Variants in ARFGEF1 observed in about 807,000 individuals in gnomAD.
ARFGEF1 encodes brefeldin A-inhibited guanine nucleotide-exchange protein 1.
In ARFGEF1, 42 loss-of-function variants were observed where a neutral mutation model predicts 231.0. The observed-to-expected ratio is 0.18, with a 90% confidence interval of 0.14 to 0.24. ARFGEF1 has a LOEUF of 0.24. Ranked by LOEUF, ARFGEF1 falls within the 10% of genes least tolerant of loss-of-function variation. The pLI is 1.00. For missense variants in ARFGEF1, 1,345 were observed against 2,192.0 expected (o/e 0.61, Z 7.72); for synonymous variants, 710 against 732.3 (o/e 0.97, Z 0.49).
At chr8:67,339,788 T>TGTGGG (rs1402614686) in intron 1 of ARFGEF1, among the ~76,000 whole-genome samples, 6 of 464 alleles carry the variant, frequency 0.013, no homozygotes, top group African/African-American at 0.059. Context: ...AGTGTAACAG[T>TGTGGG]GTGGGGCGGG....
At chr8:67,314,879 T>A (rs749395179) in intron 1 of ARFGEF1, among the ~76,000 whole-genome samples, 1 of 151,984 alleles carries the variant, frequency 6.6e-6, no homozygotes, top group Non-Finnish European at 1.5e-5. Flanking sequence ...TATAAAAAAA[T>A]TTAAAAATTA....
At chr8:67,206,152 G>A (rs1198048122) in intron 34 of ARFGEF1, among the ~76,000 whole-genome samples, 4 of 152,018 alleles carry the variant, frequency 2.6e-5, no homozygotes, top group Non-Finnish European at 4.4e-5. Context: ...GCTCATGCCT[G>A]TAATCCCAGC....
downstream of ARFGEF1, chr8:67,173,821 A>G (rs1218507346): frequency 6.6e-6 from 1 of 152,212 alleles, no homozygotes; most frequent in Non-Finnish European, 1.5e-5. Context: ...TCTCATGAGG[A>G]GTTTGGTCTG....
intron 17 of ARFGEF1, among the ~76,000 whole-genome samples, chr8:67,257,360 C>T (rs59870074): frequency 0.13 from 20,014 of 152,078 alleles, 2,646 homozygotes; most frequent in African/African-American, 0.34. Flanking sequence ...GGATTACAGG[C>T]GTTAGGTACC....
intron 10 of ARFGEF1, among the ~76,000 whole-genome samples, chr8:67,268,338 T>A (rs556720578): frequency 6.6e-6 from 1 of 152,186 alleles, no homozygotes; most frequent in South Asian, 2.1e-4. Context: ...ACGTCCATAT[T>A]GCAGGGCACA....
At chr8:67,252,309 A>G (rs1050274929) in intron 18 of ARFGEF1, among the ~76,000 whole-genome samples, 2 of 148,456 alleles carry the variant, frequency 1.3e-5, no homozygotes, top group African/African-American at 5.1e-5. Flanking sequence ...AAAAAAAAAA[A>G]GAGGCAATGG....
chr8:67,265,444 AT>A (rs1804812713), intron 14 of ARFGEF1, among the ~76,000 whole-genome samples: 2 of 152,182 alleles, frequency 1.3e-5, no homozygotes, highest in Admixed American at 1.3e-4. Flanking sequence ...GGAAGGCAGC[AT>A]GGTGACATTC....
intron 1 of ARFGEF1, among the ~76,000 whole-genome samples, chr8:67,314,911 G>A (rs948428844): frequency 6.6e-6 from 1 of 152,108 alleles, no homozygotes; most frequent in East Asian, 1.9e-4. Context: ...ATGGTGGCAT[G>A]TGCCTGTAGT....
chr8:67,222,392 A>G (rs933106887), intron 29 of ARFGEF1, among the ~76,000 whole-genome samples: 8 of 150,816 alleles, frequency 5.3e-5, no homozygotes, highest in African/African-American at 1.5e-4. Context: ...CACCTTCCCA[A>G]GTAGCTGGGA....
At chr8:67,327,168 A>G (rs1587326598) in intron 1 of ARFGEF1, among the ~76,000 whole-genome samples, 2 of 152,158 alleles carry the variant, frequency 1.3e-5, no homozygotes, top group East Asian at 1.9e-4. Flanking sequence ...TTCTACTTCA[A>G]TAAGCCCACT....
rs372171503 is a variant in ARFGEF1 at position 67,264,202 on chromosome 8, C to T, written c.2123+1804G>A. Among the ~76,000 whole-genome samples, 15 of 151,900 alleles carry T rather than the reference C, an allele frequency of 9.9e-5. 1 individual carries two copies. In the South Asian group the frequency reaches 2.9e-3, roughly 29 times the overall value. On this transcript the variant is annotated intron_variant, in intron 14 of 38. Transcript: ENST00000262215. ...GGAAAAGACTGAAGAATGAACAAAA[C>T]CAAAGAAAAAGGTAAGCCAATTGAA...
At chr8:67,228,580 T>C (rs1023423745) in intron 23 of ARFGEF1, among the ~76,000 whole-genome samples, 1 of 152,094 alleles carries the variant, frequency 6.6e-6, no homozygotes, top group Non-Finnish European at 1.5e-5. Context: ...AATATTAATT[T>C]GTAAAACTAA....
At chr8:67,253,867 A>C (rs1840373096) in intron 17 of ARFGEF1, among the ~76,000 whole-genome samples, 1 of 152,230 alleles carries the variant, frequency 6.6e-6, no homozygotes, top group South Asian at 2.1e-4. Flanking sequence ...GCAACCAGAA[A>C]GGAGGGAAGT....
chr8:67,216,493 G>T, intron 33 of ARFGEF1, 97 bp downstream of exon 33: 1 of 1,095,350 alleles, frequency 9.1e-7, no homozygotes, highest in Non-Finnish European at 1.3e-6. Context: ...TTAATAGCAG[G>T]AATGGATTAA....
chr8:67,311,012 C>T (rs1322661512), intron 1 of ARFGEF1, among the ~76,000 whole-genome samples: 2 of 145,970 alleles, frequency 1.4e-5, no homozygotes, highest in Non-Finnish European at 1.5e-5. Flanking sequence ...CCCGGCCAGC[C>T]GCCCCGTCTG....
In ARFGEF1 at chr8:67,296,653, T is replaced by C. The variant is rs200022882; in HGVS notation, c.460-43A>G. 1.9e-3 allele frequency: 2,855 copies of C among 1,480,446 alleles called. 4 individuals are homozygous for C. The highest frequency in any genetic ancestry group is 2.3e-3 in the Non-Finnish European group (2,566 of 1,103,920). 91.7% of individuals were successfully genotyped at this position (1,480,446 alleles called of 1,614,324 possible). A position where few individuals can be genotyped will look rare whatever the true frequency, so the allele number is the denominator to read the frequency against. ...GAAAAAGTTAAAGAGATTTTCTTTT[T>C]CTTTTTTTTTTTGGAGACAGTCTTT... On this transcript the variant is annotated intron_variant, in intron 4 of 38. Transcript: ENST00000262215.
At chr8:67,194,909 C>CAAAAT (rs896266532), downstream of ARFGEF1, among the ~76,000 whole-genome samples, 4 of 151,918 alleles carry the variant, frequency 2.6e-5, no homozygotes, top group African/African-American at 9.7e-5. Flanking sequence ...AGTGTTTTCC[C>CAAAAT]AAAATAACTT....
chr8:67,278,697 T>C (rs12680892), intron 7 of ARFGEF1, among the ~76,000 whole-genome samples: 1 of 151,728 alleles, frequency 6.6e-6, no homozygotes, highest in Non-Finnish European at 1.5e-5. Flanking sequence ...AATACAAAAA[T>C]AAGCTGGGCA....
At chr8:67,235,079 T>C (rs1482554252) in intron 22 of ARFGEF1, among the ~76,000 whole-genome samples, 10 of 146,248 alleles carry the variant, frequency 6.8e-5, no homozygotes, top group Middle Eastern at 3.4e-3. Flanking sequence ...TGTATATATA[T>C]ATATATGTGT....
Sources: allele counts gnomAD v4.1 joint callset (sites outside exome capture counted in the v4.1 genomes callset), GRCh38; gene constraint gnomAD v4.1.1; transcripts MANE v1.5; gene names NCBI Gene and HGNC (gene_info 2026-07-23, HGNC 2026-07-21).